The following SUFU variants were observed in gnomAD, a reference collection of about 807,000 sequenced individuals.
The protein encoded by SUFU is SUFU negative regulator of hedgehog signaling, also known as suppressor of fused homolog.
SUFU carries 7 observed loss-of-function variants against 58.9 expected under a neutral mutation model. The observed-to-expected ratio is 0.12, with a 90% CI of 0.07 to 0.22. The LOEUF is 0.22. Among genes scored for constraint, SUFU ranks in the 10% least tolerant of loss-of-function variants. SUFU has a pLI of 1.00. For missense variants in SUFU, 451 were observed against 641.3 expected (o/e 0.70, Z 3.20); for synonymous variants, 232 against 254.8 (o/e 0.91, Z 0.85).
rs532694558 is a variant in SUFU at position 102,625,818 on chromosome 10, C to G, written c.1297-1357C>G. ...GTCCACTTCTTGCTTTAGAGACCTC[C>G]GTCCTGTGAGCTCCCGAGCCGTCCT... On this transcript the variant is annotated intron_variant, in intron 10 of 11. Coordinates refer to ENST00000369902, the MANE Select transcript of SUFU (RefSeq NM_016169.4). The surrounding 1 kb of genome is among the most constrained non-coding windows in gnomAD (Gnocchi z 4.7). 2.0e-5 allele frequency among the ~76,000 whole-genome samples: 3 copies of G among 152,200 alleles called. No individual in the cohort carries two copies. The highest frequency in any genetic ancestry group is 2.9e-5 in the Non-Finnish European group (2 of 68,028).
At chr10:102,621,101 TCTC>T (rs1261707434) in intron 10 of SUFU, among the ~76,000 whole-genome samples, 6 of 152,062 alleles carry the variant, frequency 3.9e-5, no homozygotes, top group Admixed American at 3.9e-4. Flanking sequence ...GCTGCCGAGC[TCTC>T]CTCTGGGCAA....
chr10:102,507,944 A>T (rs1589974012), intron 1 of SUFU, among the ~76,000 whole-genome samples: 1 of 145,638 alleles, frequency 6.9e-6, no homozygotes, highest in South Asian at 2.2e-4. Flanking sequence ...TTCTCTAGCT[A>T]CCAAAATTTC....
At chr10:102,598,005 C>T (rs1030787489) in intron 7 of SUFU, among the ~76,000 whole-genome samples, 1 of 152,222 alleles carries the variant, frequency 6.6e-6, no homozygotes, top group African/African-American at 2.4e-5. Flanking sequence ...TGTCTACTTC[C>T]TTTCTTCATT....
At position 102,607,324 on chromosome 10, in the gene SUFU, C is replaced by T. The variant is rs151060891; in HGVS notation, c.1022+7780C>T. 8.0e-3 allele frequency among the ~76,000 whole-genome samples: 1,216 copies of T among 152,196 alleles called. 61 individuals are homozygous for T. Among genetic ancestry groups the T allele is most frequent in the Admixed American group, 0.072 (1,105 of 15,282 alleles). On this transcript the variant is annotated intron_variant, in intron 8 of 11. Transcript: ENST00000369902. ...CCGGCCTCCCAAAGTGCTGGGATTA[C>T]GGGCATGAGCCGCCACGCCCAGCCA... is the stretch of plus-strand genomic sequence containing the variant.
intron 2 of SUFU, among the ~76,000 whole-genome samples, chr10:102,526,987 A>G (rs1368983439): frequency 6.9e-6 from 1 of 144,460 alleles, no homozygotes; most frequent in Non-Finnish European, 1.5e-5. Context: ...TATAATTATT[A>G]TTATTGTTTT....
chr10:102,599,643 C>T (rs760034619), intron 8 of SUFU, 99 bp downstream of exon 8: 1 of 1,032,782 alleles, frequency 9.7e-7, no homozygotes. Context: ...GCACATAGCC[C>T]TTGCTGGATG....
chr10:102,513,026 C>G (rs1276579798), intron 2 of SUFU, among the ~76,000 whole-genome samples: 1 of 151,978 alleles, frequency 6.6e-6, no homozygotes, highest in Admixed American at 6.6e-5. Context: ...CATAATTGCA[C>G]TACTGCGCTC....
intron 2 of SUFU, among the ~76,000 whole-genome samples, chr10:102,535,189 A>G (rs1393985426): frequency 6.6e-6 from 1 of 152,090 alleles, no homozygotes; most frequent in East Asian, 1.9e-4. Flanking sequence ...GGAAGGGGGA[A>G]AGAAAGAGAC....
intron 3 of SUFU, among the ~76,000 whole-genome samples, chr10:102,556,307 G>A (rs1015468891): frequency 2.0e-5 from 3 of 152,182 alleles, no homozygotes; most frequent in Admixed American, 6.5e-5. Flanking sequence ...GGAGGTTTGC[G>A]CAGAGGTGGA....
rs1053148151 is a variant in SUFU, at chr10:102,627,061, T to A, written c.1297-114T>A. ...CACTTCCCTGTGTCCCTTGAACAGA[T>A]CACAGTGAGCTCATCTCTCCTCCAT... On this transcript the variant is annotated intron_variant, in intron 10 of 11. Coordinates refer to ENST00000369902, the MANE Select transcript of SUFU (RefSeq NM_016169.4). 9 of 1,155,796 alleles carry A rather than the reference T, an allele frequency of 7.8e-6. No individual in the cohort carries two copies. In the African/African-American group the frequency reaches 1.1e-4, roughly 14 times the overall value. 71.6% of individuals were successfully genotyped at this position (1,155,796 alleles called of 1,614,324 possible).
chr10:102,538,976 C>T (rs1448278757), intron 2 of SUFU, among the ~76,000 whole-genome samples: 3 of 152,132 alleles, frequency 2.0e-5, no homozygotes, highest in African/African-American at 7.2e-5. Flanking sequence ...GATGCATATT[C>T]AGTGCTTTTT....
intron 2 of SUFU, among the ~76,000 whole-genome samples, chr10:102,512,805 C>T (rs77383155): frequency 7.9e-4 from 121 of 152,252 alleles, no homozygotes; most frequent in Non-Finnish European, 1.2e-3. Context: ...TGCCTCATGC[C>T]TATAGTCCTA....
intron 3 of SUFU, among the ~76,000 whole-genome samples, chr10:102,574,103 G>A (rs905859706): frequency 4.6e-5 from 7 of 152,088 alleles, no homozygotes; most frequent in Non-Finnish European, 8.8e-5. Context: ...TATAGGTCTC[G>A]CCCACACTTG....
At chr10:102,594,150 G>A (rs2063436383) in intron 6 of SUFU, 85 bp downstream of exon 6, 1 of 1,388,208 alleles carries the variant, frequency 7.2e-7, no homozygotes, top group Admixed American at 1.7e-5. Context: ...TGGGAAAACA[G>A]AGGACCTTTA....
At chr10:102,599,030 G>A (rs1350353221) in intron 7 of SUFU, among the ~76,000 whole-genome samples, 1 of 152,164 alleles carries the variant, frequency 6.6e-6, no homozygotes, top group Non-Finnish European at 1.5e-5. Flanking sequence ...TGTGTTAGAG[G>A]CACCTGCCCA....
At chr10:102,627,332 CGTGT>C in intron 11 of SUFU, 89 bp downstream of exon 11, 1 of 1,196,564 alleles carries the variant, frequency 8.4e-7, no homozygotes, top group Non-Finnish European at 1.2e-6. Flanking sequence ...TGCATGTGTG[CGTGT>C]GTACCTGTGG....
chr10:102,513,004 G>A (rs1290548412), intron 2 of SUFU, among the ~76,000 whole-genome samples: 1 of 151,968 alleles, frequency 6.6e-6, no homozygotes, highest in Non-Finnish European at 1.5e-5. Context: ...GGAGTTTGAA[G>A]CTGCAGTAAG....
chr10:102,614,198 A>G (rs2135927015), intron 8 of SUFU, among the ~76,000 whole-genome samples: 1 of 152,282 alleles, frequency 6.6e-6, no homozygotes, highest in African/African-American at 2.4e-5. Context: ...GCAGGAGAGG[A>G]AGGGCTCCCA....
chr10:102,601,232 C>T (rs1157612974), intron 8 of SUFU, among the ~76,000 whole-genome samples: 2 of 152,164 alleles, frequency 1.3e-5, no homozygotes, highest in Non-Finnish European at 2.9e-5. Context: ...GATCTCACTC[C>T]CTGGCTTGGG....
Sources: gnomAD v4.1 joint callset for allele counts (sites outside exome capture counted in the v4.1 genomes callset) on GRCh38, gnomAD v4.1.1 for gene constraint, Gnocchi (gnomAD v3.1) non-coding constraint, MANE v1.5 for transcripts, NCBI Gene and HGNC (gene_info 2026-07-23, HGNC 2026-07-21) for gene names.